SRGAP1: variants seen among roughly 807,000 people sequenced by gnomAD.
The protein encoded by SRGAP1 is SLIT-ROBO Rho GTPase-activating protein 1.
Under a neutral mutation model 121.9 loss-of-function variants are expected in SRGAP1, and 43 were observed. That is an observed-to-expected ratio of 0.35 (90% CI 0.28 to 0.46). The LOEUF (loss-of-function observed/expected upper bound fraction) is 0.46. SRGAP1 is among the 20% of genes least tolerant of loss of function. The pLI, the probability that SRGAP1 is intolerant of heterozygous loss-of-function variation, is 1.00. For missense variants in SRGAP1, 1,102 were observed against 1,350.9 expected, an observed-to-expected ratio of 0.82 and a Z score of 2.89; for synonymous variants, 447 against 485.4, an observed-to-expected ratio of 0.92 and a Z score of 1.04.
At chr12:64,138,892 A>G (rs1023978863) in intron 21 of SRGAP1, among the ~76,000 whole-genome samples, 2 of 152,158 alleles carry the variant, frequency 1.3e-5, no homozygotes, top group Non-Finnish European at 2.9e-5. Context: ...ATTAGTGATA[A>G]TATTTCTCCA....
At chr12:63,980,451 C>T (rs910635390) in intron 1 of SRGAP1, among the ~76,000 whole-genome samples, 3 of 151,994 alleles carry the variant, frequency 2.0e-5, no homozygotes, top group African/African-American at 4.8e-5. Flanking sequence ...TTCTTTGGTG[C>T]TGATTAAGGT....
intron 1 of SRGAP1, among the ~76,000 whole-genome samples, chr12:63,909,519 C>G (rs1231577925): frequency 1.3e-5 from 2 of 152,190 alleles, no homozygotes; most frequent in Non-Finnish European, 2.9e-5. Flanking sequence ...ACTTTCAAAT[C>G]TCAGATATTC....
chr12:63,926,865 T>A (rs1432677794), intron 1 of SRGAP1, among the ~76,000 whole-genome samples: 1 of 152,210 alleles, frequency 6.6e-6, no homozygotes, highest in African/African-American at 2.4e-5. Flanking sequence ...TGTCTTTTTT[T>A]GTTTGTTTAC....
intron 1 of SRGAP1, among the ~76,000 whole-genome samples, chr12:63,886,618 T>C (rs1461999061): frequency 1.3e-5 from 2 of 151,908 alleles, no homozygotes; most frequent in Non-Finnish European, 2.9e-5. Flanking sequence ...TAGCTGGGAC[T>C]ACAGGTGTGC....
intron 1 of SRGAP1, among the ~76,000 whole-genome samples, chr12:63,907,284 C>G (rs924480631): frequency 4.6e-5 from 7 of 152,068 alleles, no homozygotes; most frequent in Admixed American, 6.6e-5. Context: ...TGCCTGTAAT[C>G]CCAGCATTTT....
chr12:64,009,625 G>T, intron 3 of SRGAP1, among the ~76,000 whole-genome samples: 1 of 152,136 alleles, frequency 6.6e-6, no homozygotes, highest in East Asian at 1.9e-4. Flanking sequence ...ATCAGTAATT[G>T]TAAGAGATGC....
chr12:64,092,998 A>G (rs1453907806), intron 12 of SRGAP1, among the ~76,000 whole-genome samples: 1 of 152,214 alleles, frequency 6.6e-6, no homozygotes, highest in African/African-American at 2.4e-5. Context: ...CACAGCCCAG[A>G]TGGCACATTG....
At chr12:64,031,748 C>G (rs1046438727) in intron 4 of SRGAP1, among the ~76,000 whole-genome samples, 6 of 152,154 alleles carry the variant, frequency 3.9e-5, no homozygotes, top group African/African-American at 1.2e-4. Context: ...CAATTTTTCC[C>G]TCTATGATCA....
At chr12:63,857,678 C>T (rs1487832000) in intron 1 of SRGAP1, among the ~76,000 whole-genome samples, 1 of 152,208 alleles carries the variant, frequency 6.6e-6, no homozygotes, top group Non-Finnish European at 1.5e-5. Context: ...GCCACCGTGC[C>T]TGGCTGCAGT....
chr12:63,969,050 T>C (rs73317359), intron 1 of SRGAP1, among the ~76,000 whole-genome samples: 8,399 of 152,284 alleles, frequency 0.055, 564 homozygotes, highest in African/African-American at 0.16. Context: ...GGAAAGCTTT[T>C]GGTCTTCTTG....
At chr12:63,937,900 C>A (rs377749858) in intron 1 of SRGAP1, among the ~76,000 whole-genome samples, 1 of 152,232 alleles carries the variant, frequency 6.6e-6, no homozygotes, top group African/African-American at 2.4e-5. Context: ...GGAAACAGCA[C>A]ACTGTGTCCA....
At chr12:63,970,975 A>G (rs938601204) in intron 1 of SRGAP1, among the ~76,000 whole-genome samples, 2 of 152,198 alleles carry the variant, frequency 1.3e-5, no homozygotes, top group Admixed American at 6.5e-5. Flanking sequence ...TTACTTTAAA[A>G]TGCCCTAATA....
At chr12:63,966,971 G>A (rs1232746122) in intron 1 of SRGAP1, among the ~76,000 whole-genome samples, 2 of 152,104 alleles carry the variant, frequency 1.3e-5, no homozygotes, top group African/African-American at 2.4e-5. Flanking sequence ...CCATATTCAC[G>A]TCTCATAAGT....
At chr12:64,130,279 GC>G (rs1332449477) in intron 21 of SRGAP1, among the ~76,000 whole-genome samples, 1 of 152,108 alleles carries the variant, frequency 6.6e-6, no homozygotes, top group Non-Finnish European at 1.5e-5. Flanking sequence ...GGTAGGAGGA[GC>G]CCAAAGTGTC....
At chr12:64,048,955 C>G (rs1160584079) in intron 6 of SRGAP1, among the ~76,000 whole-genome samples, 1 of 152,112 alleles carries the variant, frequency 6.6e-6, no homozygotes, top group African/African-American at 2.4e-5. Flanking sequence ...TGTGGATTCT[C>G]TCTTCACTTT....
intron 1 of SRGAP1, among the ~76,000 whole-genome samples, chr12:63,882,373 C>T (rs1055243444): frequency 2.0e-5 from 3 of 152,136 alleles, no homozygotes; most frequent in Admixed American, 2.0e-4. Context: ...CCTCCACCTC[C>T]TGGGTTCAAG....
intron 2 of SRGAP1, among the ~76,000 whole-genome samples, chr12:63,984,428 C>T (rs1027779321): frequency 1.3e-5 from 2 of 151,662 alleles, no homozygotes; most frequent in Non-Finnish European, 2.9e-5. Context: ...TTATAGAAAC[C>T]CGGGAGTTGA....
At chr12:64,116,196 A>G (rs1005117883) in intron 18 of SRGAP1, among the ~76,000 whole-genome samples, 2 of 150,148 alleles carry the variant, frequency 1.3e-5, no homozygotes, top group African/African-American at 4.9e-5. Context: ...GTCTGAGGCT[A>G]CAGTGAACTA....
intron 1 of SRGAP1, among the ~76,000 whole-genome samples, chr12:63,949,396 TTTATTATTATTATTATTA>T (rs71089906): frequency 0.013 from 1,675 of 126,054 alleles, 6 homozygotes; most frequent in Non-Finnish European, 0.016. Flanking sequence ...ATTTTTATTA[TTTATTATTATTATTATTA>T]TTATTATTAT....
Sources: allele counts gnomAD v4.1 joint callset (sites outside exome capture counted in the v4.1 genomes callset), GRCh38; gene constraint gnomAD v4.1.1; transcripts MANE v1.5; gene names NCBI Gene and HGNC (gene_info 2026-07-23, HGNC 2026-07-21).